CAPS2: variants seen among roughly 807,000 people sequenced by gnomAD.
The protein encoded by CAPS2 is calcyphosin-2.
CAPS2 carries 98 observed loss-of-function variants against 86.5 expected under a neutral mutation model. That is an observed-to-expected ratio of 1.13 (90% CI 0.96 to 1.34). The LOEUF is 1.34. Ranked by LOEUF, CAPS2 falls within the 40% of genes most tolerant of loss-of-function variation. CAPS2 has a pLI of 0.00. For synonymous variants in CAPS2, 210 were observed against 225.1 expected (o/e 0.93, Z 0.60); for missense variants, 729 against 686.8 (o/e 1.06, Z -0.69).
intron 7 of CAPS2, among the ~76,000 whole-genome samples, chr12:75,312,172 A>T (rs922169932): frequency 3.3e-5 from 5 of 152,200 alleles, no homozygotes; most frequent in Non-Finnish European, 7.3e-5. Context: ...TAAAATTCTT[A>T]ACAGTCTCAC....
At position 75,293,369 on chromosome 12, in the gene CAPS2, T is replaced by C; in HGVS notation, c.1045-2A>G. The C allele has an allele frequency of 6.3e-7, 1 of 1,581,838 alleles. No individual in the cohort carries two copies. The highest frequency in any genetic ancestry group is 8.7e-7 in the Non-Finnish European group (1 of 1,154,506). On this transcript the variant is annotated splice_acceptor_variant, in intron 11 of 16. Coordinates refer to ENST00000393284, the Ensembl canonical transcript of CAPS2. LOFTEE classifies it high-confidence loss of function. ...ACTCAAAAATGTCAAGGTTGCACCC[T>C]AAACAAAAGAACAGATGAATGAAGC...
intron 6 of CAPS2, among the ~76,000 whole-genome samples, chr12:75,314,557 T>C (rs2138861132): frequency 6.6e-6 from 1 of 152,314 alleles, no homozygotes; most frequent in East Asian, 1.9e-4. Flanking sequence ...AAGATTTTTA[T>C]TTAGTAATAA....
chr12:75,311,130 T>C (rs2039115231), intron 7 of CAPS2, among the ~76,000 whole-genome samples: 1 of 152,200 alleles, frequency 6.6e-6, no homozygotes, highest in Non-Finnish European at 1.5e-5. Context: ...GAAGGTTTTA[T>C]CTGGCTTGCC....
rs140244788 is a variant in CAPS2 at position 75,311,587 on chromosome 12, A to G, written c.659+1261T>C. Reference sequence around the variant, plus strand: ...AAGCAAACACAAAAGAGGTCCAATAACTGAGCTGTTGGGCACACCCACGTA... The same window carrying G: ...AAGCAAACACAAAAGAGGTCCAATAGCTGAGCTGTTGGGCACACCCACGTA... On this transcript the variant is annotated intron_variant, in intron 7 of 16. Transcript: ENST00000393284. Among the ~76,000 whole-genome samples the G allele has an allele frequency of 6.3e-3, 957 of 152,024 alleles. 6 individuals carry two copies. The highest frequency in any genetic ancestry group is 9.6e-3 in the Non-Finnish European group (655 of 67,978).
At chr12:75,315,492 C>T (rs1468583041) in intron 6 of CAPS2, among the ~76,000 whole-genome samples, 3 of 152,062 alleles carry the variant, frequency 2.0e-5, no homozygotes, top group Non-Finnish European at 4.4e-5. Context: ...AATCAGTTCA[C>T]GTAGTCCAGA....
At chr12:75,290,188 G>A (rs2035592447) in intron 13 of CAPS2, among the ~76,000 whole-genome samples, 1 of 152,020 alleles carries the variant, frequency 6.6e-6, no homozygotes. Context: ...TTGATGACAG[G>A]CAAGTCACCC....
intron 5 of CAPS2, among the ~76,000 whole-genome samples, chr12:75,317,831 T>C (rs955140634): frequency 1.3e-5 from 2 of 152,122 alleles, no homozygotes; most frequent in African/African-American, 4.8e-5. Flanking sequence ...TATATGTGTG[T>C]GTGTGTCATT....
chr12:75,298,555 C>A, intron 11 of CAPS2, 132 bp downstream of exon 11: 1 of 635,118 alleles, frequency 1.6e-6, no homozygotes, highest in East Asian at 2.7e-5. Flanking sequence ...CATTAGCCCA[C>A]ACAAATGACC....
chr12:75,287,815 C>T (rs2035165851), intron 14 of CAPS2, among the ~76,000 whole-genome samples: 1 of 152,138 alleles, frequency 6.6e-6, no homozygotes, highest in Non-Finnish European at 1.5e-5. Context: ...GGTGGGAACC[C>T]CCAACTCGAA....
intron 1 of CAPS2, chr12:75,363,063 A>G: frequency 9.3e-7 from 1 of 1,073,782 alleles, no homozygotes; most frequent in Admixed American, 2.4e-5. Flanking sequence ...TGGAGAAATT[A>G]ACAGCCATTT....
chr12:75,371,317 G>A (rs149416038), intron 1 of CAPS2: 225 of 168,166 alleles, frequency 1.3e-3, no homozygotes, highest in African/African-American at 4.9e-3. Context: ...GATGAAGGCT[G>A]GAAGATTCAG....
intron 5 of CAPS2, chr12:75,318,071 A>G (rs2039951398): frequency 6.6e-6 from 1 of 152,108 alleles, no homozygotes; most frequent in Non-Finnish European, 1.5e-5. Flanking sequence ...TAGAGTCCAC[A>G]TATAAGTGAA....
At chr12:75,340,638 G>T (rs1171080352) in intron 1 of CAPS2, among the ~76,000 whole-genome samples, 2 of 151,504 alleles carry the variant, frequency 1.3e-5, no homozygotes, top group African/African-American at 2.4e-5. Context: ...TTAGGAAGAT[G>T]AGAGGACAAA....
At chr12:75,297,943 T>C (rs146558065) in intron 11 of CAPS2, among the ~76,000 whole-genome samples, 224 of 152,174 alleles carry the variant, frequency 1.5e-3, no homozygotes, top group African/African-American at 5.0e-3. Flanking sequence ...CCATCACCCC[T>C]CCTATCTGGC....
At chr12:75,358,087 ATCATC>A (rs1218314765) in intron 1 of CAPS2, among the ~76,000 whole-genome samples, 2 of 151,678 alleles carry the variant, frequency 1.3e-5, no homozygotes, top group Non-Finnish European at 3.0e-5. Flanking sequence ...AATAAAATTT[ATCATC>A]TGCAAACCAT....
At chr12:75,320,288 G>T (rs2040176308) in intron 5 of CAPS2, among the ~76,000 whole-genome samples, 1 of 151,982 alleles carries the variant, frequency 6.6e-6, no homozygotes, top group Non-Finnish European at 1.5e-5. Flanking sequence ...AAAATATTTT[G>T]AACAATTTTG....
At chr12:75,305,252 GAACA>G (rs2038313094) in intron 7 of CAPS2, among the ~76,000 whole-genome samples, 1 of 152,164 alleles carries the variant, frequency 6.6e-6, no homozygotes, top group South Asian at 2.1e-4. Context: ...GAAATTCAAT[GAACA>G]AACATAGAAG....
chr12:75,335,144 T>C (rs982411536), intron 1 of CAPS2, among the ~76,000 whole-genome samples: 3 of 152,172 alleles, frequency 2.0e-5, no homozygotes, highest in Non-Finnish European at 2.9e-5. Flanking sequence ...GGAGCAGTGT[T>C]TGGAAGTTGC....
At chr12:75,388,757 C>T (rs577990612) in intron 1 of CAPS2, among the ~76,000 whole-genome samples, 2 of 152,002 alleles carry the variant, frequency 1.3e-5, no homozygotes, top group Admixed American at 1.3e-4. Context: ...ATGTGCAACA[C>T]CAAGAATGAG....
Sources: allele counts gnomAD v4.1 joint callset (sites outside exome capture counted in the v4.1 genomes callset), GRCh38; gene constraint gnomAD v4.1.1; transcripts MANE v1.5; gene names NCBI Gene and HGNC (gene_info 2026-07-23, HGNC 2026-07-21).